The following PTPRK variants were observed in gnomAD, a reference collection of about 807,000 sequenced individuals.
The protein encoded by PTPRK is receptor-type tyrosine-protein phosphatase kappa.
In PTPRK, 75 loss-of-function variants were observed where a neutral mutation model predicts 178.0. That is an observed-to-expected ratio of 0.42 (90% CI 0.35 to 0.51). The LOEUF is 0.51. Among genes scored for constraint, PTPRK ranks in the 20% least tolerant of loss-of-function variants. The pLI is 0.02. For missense variants in PTPRK, 1,441 were observed against 1,797.8 expected, an observed-to-expected ratio of 0.80 and a Z score of 3.59; for synonymous variants, 637 against 620.6, an observed-to-expected ratio of 1.03 and a Z score of -0.39.
intron 1 of PTPRK, among the ~76,000 whole-genome samples, chr6:128,401,294 A>C (rs561136078): frequency 6.6e-6 from 1 of 152,320 alleles, no homozygotes; most frequent in South Asian, 2.1e-4. Context: ...AAGTAGTATT[A>C]GACACCAAAA....
intron 1 of PTPRK, among the ~76,000 whole-genome samples, chr6:128,486,922 T>A (rs1163248412): frequency 1.3e-5 from 2 of 151,666 alleles, no homozygotes; most frequent in Non-Finnish European, 2.9e-5. Flanking sequence ...TAGATATCAC[T>A]TTGGTTGTGA....
intron 2 of PTPRK, among the ~76,000 whole-genome samples, chr6:128,374,230 A>G (rs953400082): frequency 6.6e-6 from 1 of 151,988 alleles, no homozygotes; most frequent in African/African-American, 2.4e-5. Flanking sequence ...AAATCTTTGA[A>G]CTCTAAACAC....
At chr6:128,284,470 TCTC>T (rs1382644044) in intron 3 of PTPRK, among the ~76,000 whole-genome samples, 2 of 152,230 alleles carry the variant, frequency 1.3e-5, no homozygotes, top group African/African-American at 4.8e-5. Flanking sequence ...ACAGAAATTC[TCTC>T]TTCTACAACT....
chr6:128,250,473 C>A (rs1816289603), intron 3 of PTPRK, among the ~76,000 whole-genome samples: 1 of 152,098 alleles, frequency 6.6e-6, no homozygotes, highest in African/African-American at 2.4e-5. Context: ...CTCAAAGAGT[C>A]CCAATATGTC....
chr6:128,090,315 CTTTT>C (rs1263700169), intron 7 of PTPRK, among the ~76,000 whole-genome samples: 1 of 152,122 alleles, frequency 6.6e-6, no homozygotes, highest in Non-Finnish European at 1.5e-5. Flanking sequence ...CTCTGCCTTT[CTTTT>C]GTCTTTATTG....
intron 13 of PTPRK, among the ~76,000 whole-genome samples, chr6:128,015,180 T>C (rs1387097492): frequency 6.6e-6 from 1 of 151,728 alleles, no homozygotes; most frequent in African/African-American, 2.4e-5. Context: ...CAAAATGCTG[T>C]ACAAAATTCT....
At chr6:128,190,359 C>T (rs1406898228) in intron 6 of PTPRK, among the ~76,000 whole-genome samples, 1 of 151,968 alleles carries the variant, frequency 6.6e-6, no homozygotes, top group Non-Finnish European at 1.5e-5. Flanking sequence ...ATGCAGTCAG[C>T]AAATTCTATA....
At chr6:128,433,226 T>C (rs1255174656) in intron 1 of PTPRK, among the ~76,000 whole-genome samples, 2 of 152,190 alleles carry the variant, frequency 1.3e-5, no homozygotes, top group Non-Finnish European at 2.9e-5. Context: ...TCTAACTGTA[T>C]GTTTGTATCC....
intron 1 of PTPRK, among the ~76,000 whole-genome samples, chr6:128,518,460 G>A (rs945902863): frequency 2.6e-5 from 4 of 152,144 alleles, no homozygotes; most frequent in Non-Finnish European, 4.4e-5. Context: ...TATATCCATC[G>A]CTGTTGAGAC....
intron 1 of PTPRK, among the ~76,000 whole-genome samples, chr6:128,465,735 G>C (rs563254346): frequency 1.3e-5 from 2 of 152,020 alleles, no homozygotes; most frequent in Non-Finnish European, 2.9e-5. Flanking sequence ...CTTGGGCATG[G>C]GACTATCCAT....
chr6:128,351,282 T>C (rs1833092088), intron 2 of PTPRK, among the ~76,000 whole-genome samples: 2 of 152,226 alleles, frequency 1.3e-5, no homozygotes, highest in Admixed American at 6.5e-5. Context: ...AGTATTCTTA[T>C]TTTATAGAGG....
chr6:128,283,722 A>G (rs1216861200), intron 3 of PTPRK, among the ~76,000 whole-genome samples: 1 of 152,226 alleles, frequency 6.6e-6, no homozygotes, highest in East Asian at 1.9e-4. Context: ...TAGGTTTAGT[A>G]GTTAGAAATA....
At chr6:128,356,708 C>T (rs1377744303) in intron 2 of PTPRK, among the ~76,000 whole-genome samples, 2 of 152,150 alleles carry the variant, frequency 1.3e-5, no homozygotes, top group East Asian at 1.9e-4. Flanking sequence ...ATTTTTCACA[C>T]CCCATGGCTT....
chr6:128,372,899 C>T (rs963204405), intron 2 of PTPRK, among the ~76,000 whole-genome samples: 2 of 151,010 alleles, frequency 1.3e-5, no homozygotes, highest in South Asian at 2.1e-4. Context: ...AGGAAATGAA[C>T]AGAACTGAGT....
intron 13 of PTPRK, among the ~76,000 whole-genome samples, chr6:128,009,559 AC>A (rs1294518789): frequency 6.6e-6 from 1 of 151,158 alleles, no homozygotes; most frequent in Non-Finnish European, 1.5e-5. Flanking sequence ...GAAAGTCCGA[AC>A]ATAAGGTTGT....
intron 7 of PTPRK, among the ~76,000 whole-genome samples, chr6:128,161,401 C>T (rs538530571): frequency 6.6e-5 from 10 of 151,614 alleles, no homozygotes; most frequent in African/African-American, 2.4e-4. Context: ...AATTACTTTG[C>T]TTCCTAGATT....
At chr6:128,403,855 G>A (rs1479428464) in intron 1 of PTPRK, among the ~76,000 whole-genome samples, 1 of 152,136 alleles carries the variant, frequency 6.6e-6, no homozygotes, top group Non-Finnish European at 1.5e-5. Flanking sequence ...CAAACTTCAT[G>A]TACAAAAAGC....
chr6:128,406,407 TC>T (rs1418704659), intron 1 of PTPRK, among the ~76,000 whole-genome samples: 1 of 152,222 alleles, frequency 6.6e-6, no homozygotes, highest in Non-Finnish European at 1.5e-5. Context: ...AAAACACAAT[TC>T]TTAAGACTAA....
At chr6:128,051,870 A>AT (rs542529908) in intron 13 of PTPRK, among the ~76,000 whole-genome samples, 48 of 150,064 alleles carry the variant, frequency 3.2e-4, no homozygotes, top group South Asian at 2.5e-3. Flanking sequence ...GGCATAAATC[A>AT]TTTTTTTTTT....
Sources: allele counts gnomAD v4.1 joint callset (sites outside exome capture counted in the v4.1 genomes callset), GRCh38; gene constraint gnomAD v4.1.1; transcripts MANE v1.5; gene names NCBI Gene and HGNC (gene_info 2026-07-23, HGNC 2026-07-21).